Variants in MYH7B observed in about 807,000 individuals in gnomAD.
MYH7B encodes the protein myosin-7B.
In MYH7B, 205 loss-of-function variants were observed where a neutral mutation model predicts 234.5. The ratio of observed to expected loss-of-function variants is 0.87; its 90% CI spans 0.78 to 0.98. The LOEUF (loss-of-function observed/expected upper bound fraction) is 0.98. Ranked by LOEUF, MYH7B falls within the 50% of genes least tolerant of loss-of-function variation. The pLI, the probability that MYH7B is intolerant of heterozygous loss-of-function variation, is 0.00. For synonymous variants in MYH7B, 1,193 were observed against 1,105.0 expected (o/e 1.08, Z -1.58); for missense variants, 2,652 against 2,633.4 (o/e 1.01, Z -0.15).
chr20:35,002,354 G>A (rs2082410432), exon 45 of MYH7B: 2 of 739,662 alleles, frequency 2.7e-6, no homozygotes, highest in East Asian at 5.9e-5. Flanking sequence ...TTTCTTTGGG[G>A]TTCAGGAGGA....
intron 28 of MYH7B, 122 bp downstream of exon 28, chr20:34,995,700 G>T: frequency 7.0e-7 from 1 of 1,423,690 alleles, no homozygotes; most frequent in South Asian, 1.4e-5. Context: ...GCATGTCACT[G>T]CCTTTCCTGG....
exon 41 of MYH7B, chr20:35,001,086 G>C: frequency 6.2e-7 from 1 of 1,613,852 alleles, no homozygotes. Context: ...GCGAGCTCCA[G>C]GCCCGCCTTG....
At chr20:34,980,586 A>C in exon 8 of MYH7B, 1 of 1,613,854 alleles carries the variant, frequency 6.2e-7, no homozygotes. Flanking sequence ...AGACCTACTC[A>C]GGCCTCTTCT....
intron 41 of MYH7B, 36 bp from the exon 42 acceptor site, chr20:35,001,209 G>A (rs1036843504): frequency 1.2e-6 from 2 of 1,606,302 alleles, no homozygotes; most frequent in Non-Finnish European, 1.7e-6. Context: ...GTGACCCAGG[G>A]GTGGGCTTGG....
chr20:35,000,347 A>G (rs1217934291), exon 39 of MYH7B: 1 of 1,597,550 alleles, frequency 6.3e-7, no homozygotes, highest in South Asian at 1.1e-5. Flanking sequence ...ATGCAGAGAC[A>G]CGGGCCCGCA....
exon 35 of MYH7B, chr20:34,998,722 A>C: frequency 6.2e-7 from 1 of 1,611,492 alleles, no homozygotes; most frequent in Non-Finnish European, 8.5e-7. Flanking sequence ...CCTGCAGGCC[A>C]AGAGTGCCCT....
At chr20:35,000,233 C>T (rs764136121) in intron 38 of MYH7B, 60 bp from the exon 39 acceptor site, 25 of 1,500,710 alleles carry the variant, frequency 1.7e-5, no homozygotes, top group Non-Finnish European at 2.0e-5. Context: ...GGTCCTTGGG[C>T]ATTTGTAAGG....
chr20:34,975,042 G>GTCT (rs1202022822), intron 2 of MYH7B, among the ~76,000 whole-genome samples: 22 of 152,138 alleles, frequency 1.4e-4, no homozygotes, highest in Admixed American at 1.4e-3. Flanking sequence ...TCTGAAAATA[G>GTCT]ACAACACTAA....
At chr20:34,982,249 G>A (rs572577260) in intron 9 of MYH7B, among the ~76,000 whole-genome samples, 4 of 152,242 alleles carry the variant, frequency 2.6e-5, no homozygotes, top group South Asian at 2.1e-4. Flanking sequence ...GAGTTAGTCC[G>A]TAGTGGACAA....
intron 26 of MYH7B, 32 bp from the exon 27 acceptor site, chr20:34,994,114 G>C: frequency 1.2e-6 from 2 of 1,604,758 alleles, no homozygotes; most frequent in South Asian, 1.1e-5. Flanking sequence ...GCAGCACTGA[G>C]CCACCTTCAC....
intron 32 of MYH7B, 137 bp from the exon 33 acceptor site, chr20:34,998,158 C>A: frequency 9.5e-7 from 1 of 1,054,064 alleles, no homozygotes; most frequent in Non-Finnish European, 1.4e-6. Flanking sequence ...TGACTTTGAA[C>A]TTGGGGCTCT....
chr20:34,987,199 T>C (rs369293915), exon 16 of MYH7B: 4 of 1,612,988 alleles, frequency 2.5e-6, no homozygotes, highest in Non-Finnish European at 2.5e-6. Flanking sequence ...GTGCCTGCTA[T>C]AAGATCGTGG....
chr20:34,999,894 G>A (rs2082337951), exon 38 of MYH7B: 7 of 1,613,494 alleles, frequency 4.3e-6, no homozygotes, highest in Non-Finnish European at 5.9e-6. Context: ...GACGAGGAGT[G>A]CGCTAACCTG....
At chr20:35,000,772 C>T (rs1407425087) in exon 40 of MYH7B, 6 of 1,612,560 alleles carry the variant, frequency 3.7e-6, no homozygotes, top group Non-Finnish European at 5.1e-6. Flanking sequence ...CCTCAGAACA[C>T]AGGCCTCCTA....
exon 39 of MYH7B, chr20:35,000,614 G>C (rs781109613): frequency 1.9e-6 from 3 of 1,573,840 alleles, no homozygotes; most frequent in Non-Finnish European, 1.7e-6. Flanking sequence ...CCCTGGAGCA[G>C]GGCGAGCGCA....
At chr20:34,997,137 G>A in exon 31 of MYH7B, 1 of 1,549,518 alleles carries the variant, frequency 6.5e-7, no homozygotes, top group Non-Finnish European at 8.7e-7. Context: ...AGCAGCTCTT[G>A]GGGGCCCAGA....
Position 34,985,035 on chromosome 20 carries a change from C to G in MYH7B, c.742-31C>G, listed in dbSNP as rs375438394. The G allele has an allele frequency of 4.3e-6, 7 of 1,613,762 alleles. No individual in the cohort carries two copies. The African/African-American group carries it at 8.0e-5, about 18-fold the overall frequency. ...AGGTGGGGACAGTGCTGGCTGTGCC[C>G]CTTGGCTGAGGGCTGCCCCTCTGCC... On this transcript the variant is annotated intron_variant, in intron 12 of 44. Transcript: ENST00000262873.
In MYH7B at chr20:34,990,194, C is replaced by T. The variant is rs768876994; in HGVS notation, c.1901-40C>T. ...TCCACTCTGACAGGGGCCCACAGAG[C>T]GACATTCCCTGGAGTGACCAGGCCC... On this transcript the variant is annotated intron_variant, in intron 21 of 44. Transcript: ENST00000262873. The T allele has an allele frequency of 1.3e-5, 21 of 1,613,982 alleles. 1 individual carries two copies. The Admixed American group carries it at 1.7e-4, about 13-fold the overall frequency.
At chr20:34,986,247 T>C (rs1257150723) in intron 14 of MYH7B, 49 bp downstream of exon 14, 2 of 1,450,174 alleles carry the variant, frequency 1.4e-6, no homozygotes, top group Non-Finnish European at 1.9e-6. Context: ...CTGGAGGGGC[T>C]GCCTGGCGCT....
Sources: allele counts gnomAD v4.1 joint callset (sites outside exome capture counted in the v4.1 genomes callset), GRCh38; gene constraint gnomAD v4.1.1; transcripts MANE v1.5; gene names NCBI Gene and HGNC (gene_info 2026-07-23, HGNC 2026-07-21).